CCBE1: variants seen among roughly 807,000 people sequenced by gnomAD.
CCBE1 encodes the protein collagen and calcium binding EGF domains 1.
CCBE1 carries 37 observed loss-of-function variants against 50.0 expected under a neutral mutation model. The observed-to-expected ratio is 0.74, with a 90% CI of 0.57 to 0.97. CCBE1 has a LOEUF of 0.97. CCBE1 is among the 50% of genes least tolerant of loss of function. The probability of loss-of-function intolerance (pLI) is 0.00; values close to 1 mark genes in which losing one functional copy is unlikely to be tolerated. For missense variants in CCBE1, 538 were observed against 523.8 expected (o/e 1.03, Z -0.26); for synonymous variants, 234 against 203.7 (o/e 1.15, Z -1.27).
chr18:59,549,452 G>C (rs1035237173), intron 2 of CCBE1, among the ~76,000 whole-genome samples: 1 of 152,170 alleles, frequency 6.6e-6, no homozygotes, highest in Admixed American at 6.5e-5. Flanking sequence ...ACCGAATTAA[G>C]AGCGTCTAAT....
At chr18:59,505,287 C>A (rs1004468864) in intron 2 of CCBE1, among the ~76,000 whole-genome samples, 1 of 152,178 alleles carries the variant, frequency 6.6e-6, no homozygotes, top group Non-Finnish European at 1.5e-5. Flanking sequence ...TCAAACTTAA[C>A]ATGAAACCAA....
At chr18:59,646,562 C>T (rs2054057543) in intron 2 of CCBE1, among the ~76,000 whole-genome samples, 1 of 152,150 alleles carries the variant, frequency 6.6e-6, no homozygotes, top group South Asian at 2.1e-4. Flanking sequence ...ATAGTTTGGG[C>T]TTTAGGGAAC....
At chr18:59,577,048 C>T (rs1207960415) in intron 2 of CCBE1, among the ~76,000 whole-genome samples, 1 of 152,200 alleles carries the variant, frequency 6.6e-6, no homozygotes. Flanking sequence ...AAATCCAATA[C>T]TTTATTTCCT....
chr18:59,443,631 TA>T (rs1195710279), intron 7 of CCBE1, among the ~76,000 whole-genome samples: 1 of 136,080 alleles, frequency 7.3e-6, no homozygotes, highest in African/African-American at 3.0e-5. Context: ...CACCCCCGGC[TA>T]ATTTTTTTGT....
intron 2 of CCBE1, among the ~76,000 whole-genome samples, chr18:59,519,344 G>T (rs1914503124): frequency 6.6e-6 from 1 of 152,060 alleles, no homozygotes; most frequent in South Asian, 2.1e-4. Context: ...AATAAAAGAG[G>T]GGGGAGAAAA....
intron 2 of CCBE1, among the ~76,000 whole-genome samples, chr18:59,517,258 T>TAAA (rs1353709229): frequency 2.0e-5 from 3 of 152,252 alleles, no homozygotes; most frequent in African/African-American, 7.2e-5. Context: ...TGGCTTTTAT[T>TAAA]GATTCACCCA....
rs923039524 is a variant in CCBE1, at chr18:59,454,784, T to A, written c.654+67A>T. On this transcript the variant is annotated intron_variant, in intron 6 of 10. Coordinates refer to ENST00000439986, the MANE Select transcript of CCBE1 (RefSeq NM_133459.4). Reference sequence around the variant, plus strand: ...GATATTTTCTTATTTGTAAATATCCTTCCACCTGGCCTTGGCCAAGCCCTC... The same window carrying A: ...GATATTTTCTTATTTGTAAATATCCATCCACCTGGCCTTGGCCAAGCCCTC... The A allele has an allele frequency of 2.7e-5, 34 of 1,260,372 alleles. 1 individual carries two copies. The highest frequency in any genetic ancestry group is 3.6e-5 in the South Asian group (3 of 83,838). 78.1% of individuals were successfully genotyped at this position (1,260,372 alleles called of 1,614,324 possible).
intron 3 of CCBE1, 57 bp from the exon 4 acceptor site, chr18:59,469,664 C>T (rs1911934558): frequency 1.2e-6 from 2 of 1,611,326 alleles, no homozygotes; most frequent in Admixed American, 3.3e-5. Context: ...AGTAACCTGG[C>T]CCTGGCCTGG....
chr18:59,442,345 T>C (rs1260138355), intron 7 of CCBE1, among the ~76,000 whole-genome samples: 1 of 152,258 alleles, frequency 6.6e-6, no homozygotes, highest in Non-Finnish European at 1.5e-5. Context: ...ATATCTATAG[T>C]ATAATGTGTG....
In CCBE1 at chr18:59,449,214, A is replaced by G. The variant is rs185747347; in HGVS notation, c.655-1111T>C. On this transcript the variant is annotated intron_variant, in intron 6 of 10. Coordinates refer to ENST00000439986, the MANE Select transcript of CCBE1 (RefSeq NM_133459.4). ...TAAGCTACACAACCTGGATTTCCTC[A>G]TCTATAAAATGGGGATGGTAACGGC... 4.0e-3 allele frequency among the ~76,000 whole-genome samples: 616 copies of G among 152,272 alleles called. 2 individuals are homozygous for G. The highest frequency in any genetic ancestry group is 0.014 in the African/African-American group (569 of 41,552).
intron 2 of CCBE1, among the ~76,000 whole-genome samples, chr18:59,654,345 A>T (rs2054160255): frequency 6.6e-6 from 1 of 152,236 alleles, no homozygotes; most frequent in Admixed American, 6.5e-5. Flanking sequence ...GAACTGGGAA[A>T]AACAGCCCAG....
At chr18:59,514,429 C>T (rs974456421) in intron 2 of CCBE1, among the ~76,000 whole-genome samples, 1 of 152,102 alleles carries the variant, frequency 6.6e-6, no homozygotes, top group African/African-American at 2.4e-5. Flanking sequence ...TGTTTTCCTG[C>T]AGTTCAGCCT....
intron 2 of CCBE1, among the ~76,000 whole-genome samples, chr18:59,563,524 A>T (rs2052773877): frequency 6.6e-6 from 1 of 152,192 alleles, no homozygotes; most frequent in Non-Finnish European, 1.5e-5. Flanking sequence ...AGACAGGCTC[A>T]AAGGGCACCA....
In CCBE1 at chr18:59,626,657, T is replaced by C. The variant is rs146433671; in HGVS notation, c.212+69972A>G. The stretch of plus-strand genomic sequence containing the variant: ...TTGAGGCCCAGAGAGGCTTATCACC[T>C]GGCCCAAGGCCATAAAGCTAGCAAG... On this transcript the variant is annotated intron_variant, in intron 2 of 10. Coordinates refer to ENST00000439986, the MANE Select transcript of CCBE1 (RefSeq NM_133459.4). 9.4e-3 allele frequency among the ~76,000 whole-genome samples: 1,425 copies of C among 152,378 alleles called. 19 individuals are homozygous for C. The highest frequency in any genetic ancestry group is 0.032 in the African/African-American group (1,350 of 41,596).
chr18:59,697,332 G>T lies in CCBE1; in HGVS notation c.11C>A (p.Pro4Gln), dbSNP rs1399379357. The T allele has an allele frequency of 4.5e-6, 7 of 1,547,896 alleles. No homozygotes were observed. Among genetic ancestry groups the T allele is most frequent in the Non-Finnish European group, 6.1e-6 (7 of 1,146,862 alleles). ...GGCAGCTCCTCCCCGGCTCGGAGGC[G>T]GCGGCACCATCAGGGAAGCTCCCGG... MVPPPPSRGGAARG... is the reference protein window; with the variant it reads MVPQPPSRGGAARG... Residue 4 changes from proline (P) to glutamine (Q), a missense_variant, in exon 1 of 11, where the codon CCG (proline) becomes CAG (glutamine). Pro to Gln is a moderately conservative substitution (Grantham distance 76, BLOSUM62 -1). Coordinates refer to ENST00000439986, the MANE Select transcript of CCBE1 (RefSeq NM_133459.4).
At chr18:59,606,788 T>C (rs2053504486) in intron 2 of CCBE1, among the ~76,000 whole-genome samples, 1 of 152,214 alleles carries the variant, frequency 6.6e-6, no homozygotes, top group African/African-American at 2.4e-5. Flanking sequence ...AACCTTATAT[T>C]TGCAACACGA....
At chr18:59,686,866 A>T (rs2054661185) in intron 2 of CCBE1, among the ~76,000 whole-genome samples, 1 of 152,210 alleles carries the variant, frequency 6.6e-6, no homozygotes, top group Admixed American at 6.5e-5. Flanking sequence ...ACTTTCTCAG[A>T]GATAAAAGCC....
chr18:59,544,710 A>G (rs1462009734), intron 2 of CCBE1, among the ~76,000 whole-genome samples: 1 of 152,126 alleles, frequency 6.6e-6, no homozygotes. Context: ...ACAAAGATTC[A>G]TCTGTATGAC....
At chr18:59,521,854 TA>T (rs1437393750) in intron 2 of CCBE1, among the ~76,000 whole-genome samples, 1 of 152,240 alleles carries the variant, frequency 6.6e-6, no homozygotes, top group Non-Finnish European at 1.5e-5. Context: ...ATTTTCTAAA[TA>T]ATAAACTATA....
Sources: allele counts gnomAD v4.1 joint callset (sites outside exome capture counted in the v4.1 genomes callset), GRCh38; gene constraint gnomAD v4.1.1; transcripts MANE v1.5; gene names NCBI Gene and HGNC (gene_info 2026-07-23, HGNC 2026-07-21).